Variants in LRRC7 observed in about 807,000 individuals in gnomAD.
LRRC7 encodes the protein leucine-rich repeat-containing protein 7.
A neutral mutation model predicts 175.7 loss-of-function variants in LRRC7; 23 were observed. The observed-to-expected ratio is 0.13, with a 90% CI of 0.09 to 0.19. The LOEUF (loss-of-function observed/expected upper bound fraction) is 0.19. Ranked by LOEUF, LRRC7 falls within the 10% of genes least tolerant of loss-of-function variation. The pLI is 1.00. For missense variants in LRRC7, 1,354 were observed against 1,904.7 expected, an observed-to-expected ratio of 0.71 and a Z score of 5.38; for synonymous variants, 685 against 680.9, an observed-to-expected ratio of 1.01 and a Z score of -0.09.
chr1:70,008,182 G>C (rs1347428835), intron 11 of LRRC7, among the ~76,000 whole-genome samples: 1 of 152,172 alleles, frequency 6.6e-6, no homozygotes, highest in Non-Finnish European at 1.5e-5. Flanking sequence ...ACAGGAGAAA[G>C]ATGTAGGCTG....
chr1:69,896,461 C>T (rs1469406688), intron 7 of LRRC7, among the ~76,000 whole-genome samples: 1 of 152,028 alleles, frequency 6.6e-6, no homozygotes, highest in Non-Finnish European at 1.5e-5. Context: ...ATGTCGATTA[C>T]ACAGATGGTC....
At chr1:69,568,676 G>T in intron 1 of LRRC7, 35 bp downstream of exon 1, 1 of 1,121,534 alleles carries the variant, frequency 8.9e-7, no homozygotes, top group African/African-American at 2.7e-5. Context: ...GGCGGAGGGT[G>T]CTGCGGGGGC....
At chr1:70,082,261 A>C (rs557975786) in intron 24 of LRRC7, among the ~76,000 whole-genome samples, 3 of 152,230 alleles carry the variant, frequency 2.0e-5, no homozygotes, top group Non-Finnish European at 4.4e-5. Flanking sequence ...AAAAGGGAAT[A>C]GTTCAGTAAA....
chr1:70,003,847 A>T (rs936178894), intron 11 of LRRC7, among the ~76,000 whole-genome samples: 2 of 132,180 alleles, frequency 1.5e-5, no homozygotes, highest in African/African-American at 6.8e-5. Flanking sequence ...TAGTATCTTT[A>T]AAAAAAAAAA....
chr1:69,640,856 A>G (rs1448293082), intron 1 of LRRC7, among the ~76,000 whole-genome samples: 1 of 151,596 alleles, frequency 6.6e-6, no homozygotes, highest in East Asian at 1.9e-4. Flanking sequence ...TAATGCAGTA[A>G]AATACTAACA....
intron 26 of LRRC7, among the ~76,000 whole-genome samples, chr1:70,116,546 CAAAAAAAA>C (rs11336931): frequency 9.5e-6 from 1 of 104,890 alleles, no homozygotes; most frequent in South Asian, 3.1e-4. Context: ...GACTCCATGT[CAAAAAAAA>C]AAAAAAAAAA....
chr1:69,898,387 T>C (rs536784541), intron 7 of LRRC7, among the ~76,000 whole-genome samples: 6 of 152,208 alleles, frequency 3.9e-5, no homozygotes, highest in Non-Finnish European at 8.8e-5. Context: ...ATGAAGAATA[T>C]TGTTCGATTG....
At chr1:69,800,503 A>G (rs1244986119) in intron 4 of LRRC7, among the ~76,000 whole-genome samples, 2 of 152,018 alleles carry the variant, frequency 1.3e-5, no homozygotes. Flanking sequence ...ATTTGCAGCT[A>G]TTGTAAATGG....
At chr1:69,879,229 AAAAAAAAG>A (rs1227492654) in intron 7 of LRRC7, among the ~76,000 whole-genome samples, 4 of 146,354 alleles carry the variant, frequency 2.7e-5, no homozygotes, top group East Asian at 2.0e-4. Context: ...AAAAAAAAAA[AAAAAAAAG>A]ACTGCGCACT....
At chr1:70,011,731 T>G (rs1409240164) in intron 11 of LRRC7, 66 bp from the exon 12 acceptor site, 2 of 1,137,928 alleles carry the variant, frequency 1.8e-6, no homozygotes, top group Middle Eastern at 2.5e-4. Context: ...TTTGGATATG[T>G]GGCTTTTTCA....
Position 69,760,337 on chromosome 1 carries a change from G to C in LRRC7, c.247G>C (p.Glu83Gln). 6.2e-7 allele frequency: 1 copy of C among 1,612,718 alleles called. No homozygotes were observed. Among genetic ancestry groups the C allele is most frequent in the Non-Finnish European group, 8.5e-7 (1 of 1,179,240 alleles). Residue 83 changes from glutamate (E) to glutamine (Q), a missense_variant, in exon 3 of 27, where the codon GAA becomes CAA. Transcript: ENST00000651989. ...GGTGCCAAAGGAGGTCTTTAACTTC[G>C]AACGAACATTAGAGGAGCTTTATCT... ...QQVPKEVFNFERTLEELYLDA... is the reference protein window; with the variant it reads ...QQVPKEVFNFQRTLEELYLDA...
intron 3 of LRRC7, among the ~76,000 whole-genome samples, chr1:69,778,725 C>T (rs192147602): frequency 1.3e-4 from 20 of 152,170 alleles, no homozygotes; most frequent in Admixed American, 5.9e-4. Context: ...TTATAATCTA[C>T]TGATTAGCAC....
At chr1:69,791,972 A>T in intron 3 of LRRC7, 71 bp from the exon 4 acceptor site, 1 of 1,014,826 alleles carries the variant, frequency 9.9e-7, no homozygotes, top group Non-Finnish European at 1.5e-6. Context: ...TGGTGACTTT[A>T]ATTTTGTTAC....
At chr1:69,824,741 A>G (rs981656926) in intron 4 of LRRC7, among the ~76,000 whole-genome samples, 3 of 152,160 alleles carry the variant, frequency 2.0e-5, no homozygotes, top group Admixed American at 1.3e-4. Context: ...AAAAAGTTCA[A>G]TTATATCCTG....
rs1287065355 is a variant in LRRC7, at chr1:70,135,910, T to G, written c.*14023T>G. Among the ~76,000 whole-genome samples the G allele has an allele frequency of 1.3e-5, 2 of 152,172 alleles. No homozygotes were observed. Among genetic ancestry groups the G allele is most frequent in the Non-Finnish European group, 2.9e-5 (2 of 68,010 alleles). Reference sequence around the variant, plus strand: ...CACTTGATAGGTTCTCACAGTCTCATTATGATCAAGACAGATATTCTAGCA... The same window carrying G: ...CACTTGATAGGTTCTCACAGTCTCAGTATGATCAAGACAGATATTCTAGCA... On this transcript the variant is annotated 3_prime_UTR_variant, in exon 27 of 27. Coordinates refer to ENST00000651989, the MANE Select transcript of LRRC7 (RefSeq NM_001370785.2).
intron 1 of LRRC7, among the ~76,000 whole-genome samples, chr1:69,640,097 A>G (rs1460273098): frequency 6.6e-6 from 1 of 151,642 alleles, no homozygotes; most frequent in African/African-American, 2.4e-5. Context: ...GGATTCCTAA[A>G]TGTCTTCAGC....
intron 8 of LRRC7, among the ~76,000 whole-genome samples, chr1:69,975,813 G>A (rs1652755690): frequency 6.6e-6 from 1 of 151,728 alleles, no homozygotes; most frequent in Admixed American, 6.6e-5. Context: ...AACAAATGAG[G>A]TGCCTCACTT....
chr1:69,721,667 C>T (rs1044462289), intron 2 of LRRC7, among the ~76,000 whole-genome samples: 2 of 151,654 alleles, frequency 1.3e-5, no homozygotes, highest in African/African-American at 4.8e-5. Flanking sequence ...CATTAAAAAT[C>T]TCTTAATTAG....
intron 1 of LRRC7, among the ~76,000 whole-genome samples, chr1:69,625,012 C>T (rs1026063598): frequency 3.3e-5 from 5 of 152,038 alleles, no homozygotes; most frequent in East Asian, 1.9e-4. Flanking sequence ...AGAAACAATT[C>T]GTCAAAGACC....
Sources: allele counts gnomAD v4.1 joint callset (sites outside exome capture counted in the v4.1 genomes callset), GRCh38; gene constraint gnomAD v4.1.1; transcripts MANE v1.5; gene names NCBI Gene and HGNC (gene_info 2026-07-23, HGNC 2026-07-21).